The following SLC20A1 variants were observed in gnomAD, a reference collection of about 807,000 sequenced individuals.
SLC20A1 encodes sodium-dependent phosphate transporter 1.
A neutral mutation model predicts 62.7 loss-of-function variants in SLC20A1; 28 were observed. That is an observed-to-expected ratio of 0.45 (90% confidence interval 0.33 to 0.61). The LOEUF is 0.61. SLC20A1 is among the 20% of genes least tolerant of loss of function. The probability of loss-of-function intolerance (pLI) is 0.02; values close to 1 mark genes in which losing one functional copy is unlikely to be tolerated. For synonymous variants in SLC20A1, 305 were observed against 302.9 expected (o/e 1.01, Z -0.07); for missense variants, 673 against 838.6 (o/e 0.80, Z 2.44).
At chr2:112,658,011 CT>C (rs1686642939) in intron 6 of SLC20A1, among the ~76,000 whole-genome samples, 1 of 152,200 alleles carries the variant, frequency 6.6e-6, no homozygotes. Flanking sequence ...GATGCATAGA[CT>C]GCAGTGGTGT....
intron 9 of SLC20A1, chr2:112,660,865 A>C: frequency 2.1e-6 from 1 of 479,828 alleles, no homozygotes; most frequent in Non-Finnish European, 3.7e-6. Flanking sequence ...GGGAGCTAAG[A>C]CTCAATGTTT....
intron 6 of SLC20A1, 152 bp downstream of exon 6, chr2:112,657,393 T>C (rs1686620323): frequency 5.0e-6 from 4 of 805,176 alleles, no homozygotes; most frequent in Non-Finnish European, 5.7e-6. Context: ...CAAACTGTTT[T>C]TAGAAATGGA....
chr2:112,660,233 G>A (rs777347477), intron 8 of SLC20A1, among the ~76,000 whole-genome samples, 154 bp from the exon 9 acceptor site: 1 of 152,174 alleles, frequency 6.6e-6, no homozygotes, highest in East Asian at 1.9e-4. Context: ...GTGTATGTTG[G>A]GGTTCCATTT....
rs370439899 is a variant in SLC20A1 at position 112,651,658 on chromosome 2, G to A, written c.562-1044G>A. On this transcript the variant is annotated intron_variant, in intron 4 of 10. Transcript: ENST00000272542. ...CCTGACCTCATGATTGTCCTGCCTC[G>A]GCCTCCCAAAGTGCTGGGATTACAG... Among the ~76,000 whole-genome samples, 60 of 152,044 alleles carry A rather than the reference G, an allele frequency of 3.9e-4. 1 individual carries two copies. The South Asian group carries it at 0.012, about 30-fold the overall frequency.
At position 112,647,031 on chromosome 2, in the gene SLC20A1, T is replaced by A; in HGVS notation, c.203T>A (p.Ile68Asn). The change falls in exon 2 of 11, where the codon ATC becomes AAC. Residue 68 changes from isoleucine (I) to asparagine (N), a missense_variant. Coordinates refer to ENST00000272542, the MANE Select transcript of SLC20A1 (RefSeq NM_005415.5). The part of the protein sequence containing the change: ...TLKQACILAS[I>N]FETVGSVLLG... ...AAGCAAGCCTGCATCCTAGCTAGCA[T>A]CTTTGAAACAGTGGGCTCTGTCTTA... 6.2e-7 allele frequency: 1 copy of A among 1,614,176 alleles called. No individual in the cohort carries two copies. The highest frequency in any genetic ancestry group is 1.1e-5 in the South Asian group (1 of 91,076).
At chr2:112,651,326 A>G (rs1686428517) in intron 4 of SLC20A1, among the ~76,000 whole-genome samples, 1 of 152,158 alleles carries the variant, frequency 6.6e-6, no homozygotes, top group Non-Finnish European at 1.5e-5. Context: ...ATTGTGATCA[A>G]GATAACATTA....
At position 112,659,750 on chromosome 2, in the gene SLC20A1, G is replaced by A; in HGVS notation, c.1595G>A (p.Gly532Asp). ...TACFGSFAHGGNDVSNAIGPL... is the reference protein window; with the variant it reads ...TACFGSFAHGDNDVSNAIGPL... The stretch of plus-strand genomic sequence containing the variant: ...TGCTTTGGGTCATTCGCCCATGGTG[G>A]CAATGACGTAAGGTCAGTTGACATT... The change falls in exon 8 of 11, where the codon GGC (glycine) becomes GAC (aspartate). Residue 532 changes from glycine to aspartate, a missense_variant. Transcript: ENST00000272542. 1 of 1,612,372 alleles carries A rather than the reference G, an allele frequency of 6.2e-7. No individual in the cohort carries two copies. The highest frequency in any genetic ancestry group is 8.5e-7 in the Non-Finnish European group (1 of 1,178,844).
intron 2 of SLC20A1, 75 bp from the exon 3 acceptor site, chr2:112,647,249 G>A (rs1439554855): frequency 1.4e-5 from 22 of 1,585,802 alleles, no homozygotes; most frequent in Non-Finnish European, 1.9e-5. Context: ...TAACCTTTCC[G>A]ATTAACCTTT....
Position 112,659,395 on chromosome 2 carries a change from C to T in SLC20A1, c.1240C>T (p.Arg414Cys), listed in dbSNP as rs772517584. ...MGDSGDKPLRRNNSYTSYTMA... is the reference protein window; with the variant it reads ...MGDSGDKPLRCNNSYTSYTMA... ...AGACTCCGGTGACAAACCCTTAAGGCGCAATAATAGCTATACTTCCTATAC... is the reference window on the plus strand; with the variant it reads ...AGACTCCGGTGACAAACCCTTAAGGTGCAATAATAGCTATACTTCCTATAC... The change falls in exon 8 of 11, where the codon CGC becomes TGC. Residue 414 changes from arginine (R) to cysteine (C), a missense_variant. Physicochemically the swap from Arg to Cys is radical, Grantham distance 180. Coordinates refer to ENST00000272542, the MANE Select transcript of SLC20A1 (RefSeq NM_005415.5). 1.9e-6 allele frequency: 3 copies of T among 1,614,016 alleles called. No homozygotes were observed. Among genetic ancestry groups the T allele is most frequent in the African/African-American group, 1.3e-5 (1 of 74,896 alleles).
chr2:112,647,749 TC>T lies in SLC20A1; in HGVS notation c.561+16del. ...TTCATCCTCCATAAGGTAACCTTTC[TC>T]CCCCGTATGAAGACCTTTCATGGAG... On this transcript the variant is annotated intron_variant, in intron 4 of 10. Transcript: ENST00000272542. 6.2e-7 allele frequency: 1 copy of T among 1,602,878 alleles called. No homozygotes were observed. Among genetic ancestry groups the T allele is most frequent in the Non-Finnish European group, 8.5e-7 (1 of 1,169,772 alleles).
At chr2:112,661,963 T>C (rs1686760652) in intron 10 of SLC20A1, among the ~76,000 whole-genome samples, 1 of 152,204 alleles carries the variant, frequency 6.6e-6, no homozygotes, top group South Asian at 2.1e-4. Flanking sequence ...CCATTTGTGG[T>C]GGCTGAAGGC....
intron 9 of SLC20A1, 140 bp from the exon 10 acceptor site, chr2:112,661,002 G>A (rs1686734321): frequency 1.7e-6 from 1 of 578,900 alleles, no homozygotes; most frequent in East Asian, 2.7e-5. Flanking sequence ...GTAGATCTTA[G>A]GGGTTATAGC....
At chr2:112,650,057 A>G (rs928235065) in intron 4 of SLC20A1, among the ~76,000 whole-genome samples, 1 of 152,082 alleles carries the variant, frequency 6.6e-6, no homozygotes, top group Non-Finnish European at 1.5e-5. Context: ...ACAATAAACT[A>G]TTGGTATAGT....
At chr2:112,650,606 C>T (rs1449799611) in intron 4 of SLC20A1, among the ~76,000 whole-genome samples, 1 of 151,960 alleles carries the variant, frequency 6.6e-6, no homozygotes, top group Admixed American at 6.6e-5. Context: ...GCTGGGATTA[C>T]AGGCTTGAGC....
rs557703787 is a variant in SLC20A1 at position 112,647,745 on chromosome 2, T to A, written c.561+7T>A. ...TGCATTCATCCTCCATAAGGTAACCTTTCTCCCCCGTATGAAGACCTTTCA... is the reference window on the plus strand; with the variant it reads ...TGCATTCATCCTCCATAAGGTAACCATTCTCCCCCGTATGAAGACCTTTCA... On this transcript the variant is annotated splice_region_variant and intron_variant, in intron 4 of 10. Coordinates refer to ENST00000272542, the MANE Select transcript of SLC20A1 (RefSeq NM_005415.5). 2 of 1,607,190 alleles carry A rather than the reference T, an allele frequency of 1.2e-6. No homozygotes were observed. Among genetic ancestry groups the A allele is most frequent in the African/African-American group, 2.7e-5 (2 of 74,894 alleles).
chr2:112,663,199 C>G lies in SLC20A1; in HGVS notation c.*174C>G, dbSNP rs560336885. 1.3e-6 allele frequency: 1 copy of G among 798,290 alleles called. No homozygotes were observed. Among genetic ancestry groups the G allele is most frequent in the South Asian group, 1.4e-5 (1 of 70,806 alleles). 49.5% of individuals were successfully genotyped at this position (798,290 alleles called of 1,614,324 possible). A position where few individuals can be genotyped will look rare whatever the true frequency, so the allele number is the denominator to read the frequency against. Reference sequence around the variant, plus strand: ...TGCTTTTGTGCTAAATATGAATTGTCTCAAAATTAGCTGTGTAAAATAGCC... The same window carrying G: ...TGCTTTTGTGCTAAATATGAATTGTGTCAAAATTAGCTGTGTAAAATAGCC... On this transcript the variant is annotated 3_prime_UTR_variant, in exon 11 of 11. Coordinates refer to ENST00000272542, the MANE Select transcript of SLC20A1 (RefSeq NM_005415.5).
chr2:112,654,044 A>G (rs985184918), intron 5 of SLC20A1, among the ~76,000 whole-genome samples: 4 of 152,122 alleles, frequency 2.6e-5, no homozygotes, highest in Non-Finnish European at 5.9e-5. Flanking sequence ...CGCCTGCCTC[A>G]GCCTCCCAAA....
chr2:112,662,555 G>C (rs1206881861), intron 10 of SLC20A1, among the ~76,000 whole-genome samples: 1 of 152,224 alleles, frequency 6.6e-6, no homozygotes. Context: ...ACTCCAGCCT[G>C]GGCGACAGTG....
At chr2:112,651,014 G>A (rs1379420702) in intron 4 of SLC20A1, among the ~76,000 whole-genome samples, 2 of 152,150 alleles carry the variant, frequency 1.3e-5, no homozygotes, top group African/African-American at 2.4e-5. Flanking sequence ...TTTGACCACC[G>A]TTGAGTTAGT....
Sources: gnomAD v4.1 joint callset for allele counts (sites outside exome capture counted in the v4.1 genomes callset) on GRCh38, gnomAD v4.1.1 for gene constraint, MANE v1.5 for transcripts, NCBI Gene and HGNC (gene_info 2026-07-23, HGNC 2026-07-21) for gene names.